The following PRLR variants were observed in gnomAD, a reference collection of about 807,000 sequenced individuals.
PRLR encodes hPRL receptor.
PRLR carries 13 observed loss-of-function variants against 40.2 expected under a neutral mutation model. The ratio of observed to expected loss-of-function variants is 0.32; its 90% CI spans 0.21 to 0.51. The LOEUF is 0.51. Ranked by LOEUF, PRLR falls within the 20% of genes least tolerant of loss-of-function variation. The pLI is 0.97. For missense variants in PRLR, 656 were observed against 747.3 expected (o/e 0.88, Z 1.42); for synonymous variants, 269 against 278.7 (o/e 0.97, Z 0.35).
chr5:35,084,564 G>A lies in PRLR; in HGVS notation c.279C>T (p.Thr93=). The A allele has an allele frequency of 6.2e-7, 1 of 1,609,132 alleles. No homozygotes were observed. Among genetic ancestry groups the A allele is most frequent in the Non-Finnish European group, 8.5e-7 (1 of 1,178,348 alleles). ...PNSCHFGKQY[T]SMWRTYIMMV... ...TCATGATGTATGTCCTCCACATGGA[G>A]GTGTACTGCTTGCCAAAGTGGCAGG... Residue 93 remains threonine, a synonymous_variant, in exon 5 of 10, where the codon ACC becomes ACT. Transcript: ENST00000618457.
chr5:35,092,502 G>A (rs1484709146), intron 2 of PRLR, among the ~76,000 whole-genome samples: 1 of 152,124 alleles, frequency 6.6e-6, no homozygotes. Context: ...TTTATCCACC[G>A]ACCTTTTTTT....
intron 2 of PRLR, among the ~76,000 whole-genome samples, chr5:35,117,821 T>C (rs1773114910): frequency 6.6e-6 from 1 of 152,230 alleles, no homozygotes; most frequent in Non-Finnish European, 1.5e-5. Flanking sequence ...TATCAGCTAT[T>C]AAAAGCTTTG....
chr5:35,199,063 C>T (rs991937086), intron 1 of PRLR, among the ~76,000 whole-genome samples: 1 of 152,166 alleles, frequency 6.6e-6, no homozygotes, highest in African/African-American at 2.4e-5. Flanking sequence ...GAAGCTCTTG[C>T]AGGGCTTCTC....
rs528780698 is a variant in PRLR, at chr5:35,157,497, C to G, written c.-105-39375G>C. ...AACAGAGCAGAGTTTTGTGGCTCTT[C>G]GGGGTTGCTTATGCCATATTCAATG... On this transcript the variant is annotated intron_variant, in intron 1 of 9. Coordinates refer to ENST00000618457, the MANE Select transcript of PRLR (RefSeq NM_000949.7). Among the ~76,000 whole-genome samples, 3 of 152,210 alleles carry G rather than the reference C, an allele frequency of 2.0e-5. No homozygotes were observed. In the East Asian group the frequency reaches 5.8e-4, roughly 29 times the overall value.
intron 1 of PRLR, among the ~76,000 whole-genome samples, chr5:35,191,002 G>C (rs1008766863): frequency 2.0e-5 from 3 of 148,652 alleles, no homozygotes; most frequent in African/African-American, 7.4e-5. Flanking sequence ...AGCCCCTACA[G>C]ACATTGACCA....
downstream of PRLR, among the ~76,000 whole-genome samples, chr5:35,051,389 A>T (rs1768491752): frequency 6.6e-6 from 1 of 152,254 alleles, no homozygotes; most frequent in Non-Finnish European, 1.5e-5. Context: ...GGTAAAATGT[A>T]TGGCAAAATC....
chr5:35,077,950 C>G (rs1043212338), intron 5 of PRLR, among the ~76,000 whole-genome samples: 7 of 152,140 alleles, frequency 4.6e-5, no homozygotes, highest in African/African-American at 9.7e-5. Flanking sequence ...GCTCCTGAAT[C>G]ACTACTGGGT....
intron 1 of PRLR, among the ~76,000 whole-genome samples, chr5:35,128,369 A>G (rs1773539870): frequency 1.3e-5 from 2 of 151,244 alleles, no homozygotes; most frequent in South Asian, 2.1e-4. Flanking sequence ...TAGTATTTAC[A>G]TAAGACCTAT....
chr5:35,227,352 T>C (rs1464921905), intron 1 of PRLR, among the ~76,000 whole-genome samples: 3 of 152,180 alleles, frequency 2.0e-5, no homozygotes, highest in Non-Finnish European at 2.9e-5. Flanking sequence ...CAGACAGACC[T>C]GGGCTTGGAT....
rs1769298356 is a variant in PRLR at position 35,065,434 on chromosome 5, A to G, written c.1524T>C (p.Asp508=). The G allele has an allele frequency of 6.2e-7, 1 of 1,614,102 alleles. No individual in the cohort carries two copies. The highest frequency in any genetic ancestry group is 1.3e-5 in the African/African-American group (1 of 75,022). Residue 508 remains aspartate (D), a synonymous_variant, in exon 10 of 10, where the codon GAT becomes GAC. Transcript: ENST00000618457. ...KTPFGSAKPL[D]YVEIHKVNKD... is the part of the protein sequence containing the mutation. ...TGTTGACCTTGTGAATCTCCACATA[A>G]TCCAAGGGTTTAGCGGAGCCAAAGG...
At chr5:35,103,150 A>G (rs2111563078) in intron 2 of PRLR, among the ~76,000 whole-genome samples, 1 of 152,288 alleles carries the variant, frequency 6.6e-6, no homozygotes, top group South Asian at 2.1e-4. Context: ...CCTGGATCTC[A>G]TATATGTTCC....
intron 6 of PRLR, among the ~76,000 whole-genome samples, chr5:35,072,110 C>T (rs1248935871): frequency 6.6e-6 from 1 of 152,024 alleles, no homozygotes; most frequent in Non-Finnish European, 1.5e-5. Context: ...GTTGGCCAGG[C>T]TTGTCTTGAA....
chr5:35,083,618 C>T (rs1770667908), intron 5 of PRLR, among the ~76,000 whole-genome samples: 1 of 151,182 alleles, frequency 6.6e-6, no homozygotes, highest in Admixed American at 6.6e-5. Flanking sequence ...CTCCTGGGTT[C>T]AAGCAATTCT....
At chr5:35,199,287 A>G (rs1775816630) in intron 1 of PRLR, among the ~76,000 whole-genome samples, 2 of 152,192 alleles carry the variant, frequency 1.3e-5, no homozygotes, top group Admixed American at 1.3e-4. Flanking sequence ...CAGGCCGTGT[A>G]ATGCTGTGGA....
intron 1 of PRLR, among the ~76,000 whole-genome samples, chr5:35,208,740 T>A (rs866979435): frequency 6.6e-6 from 1 of 152,256 alleles, no homozygotes; most frequent in Middle Eastern, 3.4e-3. Context: ...AGGGTTTATT[T>A]TTTAAAAATT....
chr5:35,101,693 T>C (rs1415051160), intron 2 of PRLR, among the ~76,000 whole-genome samples: 1 of 150,032 alleles, frequency 6.7e-6, no homozygotes, highest in Non-Finnish European at 1.5e-5. Flanking sequence ...AAAACACATA[T>C]ATATATAAAA....
intron 1 of PRLR, among the ~76,000 whole-genome samples, chr5:35,226,748 C>T (rs774525936): frequency 2.0e-5 from 3 of 152,174 alleles, no homozygotes; most frequent in Non-Finnish European, 4.4e-5. Flanking sequence ...AGCCTTCAGC[C>T]TCTATTTTCT....
intron 1 of PRLR, among the ~76,000 whole-genome samples, chr5:35,137,131 T>C (rs1773883414): frequency 6.6e-6 from 1 of 152,180 alleles, no homozygotes; most frequent in Non-Finnish European, 1.5e-5. Context: ...AATAACACTC[T>C]ACTTTTTAAT....
At position 35,149,280 on chromosome 5, in the gene PRLR, G is replaced by A. The variant is rs538361999; in HGVS notation, c.-105-31158C>T. 1.1e-4 allele frequency among the ~76,000 whole-genome samples: 16 copies of A among 152,250 alleles called. No homozygotes were observed. The South Asian group carries it at 3.1e-3, about 30-fold the overall frequency. On this transcript the variant is annotated intron_variant, in intron 1 of 9. Transcript: ENST00000618457. ...ATCAGTTTTGTTTGTGGTTTTGAGA[G>A]CATCTTTATTTCTTCTGACTCAGCC... is the stretch of plus-strand genomic sequence containing the variant.
Sources: allele counts gnomAD v4.1 joint callset (sites outside exome capture counted in the v4.1 genomes callset), GRCh38; gene constraint gnomAD v4.1.1; transcripts MANE v1.5; gene names NCBI Gene and HGNC (gene_info 2026-07-23, HGNC 2026-07-21).